Variants in RPL14 observed in about 807,000 individuals in gnomAD.
RPL14 encodes the protein ribosomal protein L14.
RPL14 carries 4 observed loss-of-function variants against 25.3 expected under a neutral mutation model. The observed-to-expected ratio is 0.16, with a 90% CI of 0.08 to 0.36. RPL14 has a LOEUF of 0.36. Ranked by LOEUF, RPL14 falls within the 10% of genes least tolerant of loss-of-function variation. The pLI is 1.00. For missense variants in RPL14, 212 were observed against 261.9 expected, an observed-to-expected ratio of 0.81 and a Z score of 1.31; for synonymous variants, 75 against 89.8, an observed-to-expected ratio of 0.84 and a Z score of 0.93.
At position 40,457,489 on chromosome 3, in the gene RPL14, G is replaced by T. The variant is rs1314474007; in HGVS notation, c.3+15G>T. On this transcript the variant is annotated intron_variant, in intron 1 of 5. Transcript: ENST00000396203. Reference sequence around the variant, plus strand: ...GGAAGCGCATGGTGAGGGTCCCCGGGCCGGCTGTGCAGCGGAATCGGGCCC... The same window carrying T: ...GGAAGCGCATGGTGAGGGTCCCCGGTCCGGCTGTGCAGCGGAATCGGGCCC... 1 of 1,538,048 alleles carries T rather than the reference G, an allele frequency of 6.5e-7. No individual in the cohort carries two copies. The highest frequency in any genetic ancestry group is 8.8e-7 in the Non-Finnish European group (1 of 1,135,026).
chr3:40,459,039 G>C (rs867009172), intron 3 of RPL14: 4 of 315,718 alleles, frequency 1.3e-5, no homozygotes, highest in Middle Eastern at 1.1e-3. Context: ...AATTCGTTGG[G>C]CATGGTGGCA....
Position 40,463,986 on chromosome 3 carries a change from T to TA in RPL14, c.*1754_*1755insA, listed in dbSNP as rs1313895884. ...GAAACAGGATTACTTTTTTTTTTTT[T>TA]TTTGAGACAGAGCCTTACTCTTGCC... On this transcript the variant is annotated 3_prime_UTR_variant, in exon 6 of 6. Coordinates refer to ENST00000396203, the MANE Select transcript of RPL14 (RefSeq NM_001034996.3). 6.5e-6 allele frequency: 1 copy of TA among 153,564 alleles called. No individual in the cohort carries two copies. Among genetic ancestry groups the TA allele is most frequent in the East Asian group, 1.9e-4 (1 of 5,254 alleles). The allele number at this position is 153,564 out of a possible 1,614,324, so 9.5% of individuals were successfully genotyped here.
At position 40,463,553 on chromosome 3, in the gene RPL14, A is replaced by G. The variant is rs945456984; in HGVS notation, c.*1321A>G. The G allele has an allele frequency of 1.3e-5, 2 of 152,206 alleles. No homozygotes were observed. The highest frequency in any genetic ancestry group is 4.8e-5 in the African/African-American group (2 of 41,454). The allele number at this position is 152,206 out of a possible 1,614,324, so 9.4% of individuals were successfully genotyped here. ...AAACTAGGAAAATAGGGCAAGTATA[A>G]AAATTGCAGGTTGAGCATATTTCTA... On this transcript the variant is annotated 3_prime_UTR_variant, in exon 6 of 6. Transcript: ENST00000396203.
rs1696909101 is a variant in RPL14 at position 40,459,880 on chromosome 3, A to AAAAG, written c.200+1144_200+1145insAAAG. ...TTTCAAAAAAAAAAAAAAAAAAAAA[A>AAAAG]CTTACTGTATGCTGAGCACTACAGG... On this transcript the variant is annotated intron_variant, in intron 3 of 5. Coordinates refer to ENST00000396203, the MANE Select transcript of RPL14 (RefSeq NM_001034996.3). Among the ~76,000 whole-genome samples the AAAAG allele has an allele frequency of 2.0e-5, 3 of 150,306 alleles. No individual in the cohort carries two copies. In the South Asian group the frequency reaches 6.4e-4, roughly 32 times the overall value.
At chr3:40,458,167 G>C in intron 2 of RPL14, 176 bp downstream of exon 2, 1 of 618,352 alleles carries the variant, frequency 1.6e-6, no homozygotes. Flanking sequence ...TTAGCTATTA[G>C]TATTGAATTT....
At position 40,464,570 on chromosome 3, in the gene RPL14, T is replaced by A. The variant is rs1360990427; in HGVS notation, c.*2338T>A. ...TCAAGGAAGTAGGTTAGTGGTTAGA[T>A]CGTGTAGGGGAACACGGGAAGCTAC... On this transcript the variant is annotated 3_prime_UTR_variant, in exon 6 of 6. Coordinates refer to ENST00000396203, the MANE Select transcript of RPL14 (RefSeq NM_001034996.3). The A allele has an allele frequency of 5.9e-5, 27 of 455,000 alleles. No individual in the cohort carries two copies. The Middle Eastern group carries it at 1.6e-3, about 28-fold the overall frequency. 28.2% of individuals were successfully genotyped at this position (455,000 alleles called of 1,614,324 possible).
intron 2 of RPL14, chr3:40,458,305 G>C (rs1180906340): frequency 1.9e-6 from 1 of 517,118 alleles, no homozygotes; most frequent in Non-Finnish European, 3.4e-6. Flanking sequence ...ATTTACTGCT[G>C]TGTATTTGAA....
chr3:40,458,086 G>C, intron 2 of RPL14, 95 bp downstream of exon 2: 1 of 1,025,718 alleles, frequency 9.7e-7, no homozygotes, highest in South Asian at 1.3e-5. Context: ...AGATGAGGAT[G>C]CTATGGGTAG....
At chr3:40,458,036 C>G (rs1272236529) in intron 2 of RPL14, 45 bp downstream of exon 2, 5 of 1,454,214 alleles carry the variant, frequency 3.4e-6, no homozygotes, top group Non-Finnish European at 4.8e-6. Context: ...GGACATGTGC[C>G]CTGCAGATGG....
Position 40,464,529 on chromosome 3 carries a change from C to T in RPL14, c.*2297C>T, listed in dbSNP as rs958891031. 4.4e-6 allele frequency: 2 copies of T among 455,858 alleles called. No homozygotes were observed. The highest frequency in any genetic ancestry group is 4.0e-5 in the African/African-American group (2 of 50,038). 28.2% of individuals were successfully genotyped at this position (455,858 alleles called of 1,614,324 possible). ...ATAAACGAACTGATAGTGTAGAGGA[C>T]TGGCTCGGGACCACATCAAGGAAGT... On this transcript the variant is annotated 3_prime_UTR_variant, in exon 6 of 6. Coordinates refer to ENST00000396203, the MANE Select transcript of RPL14 (RefSeq NM_001034996.3).
At position 40,463,591 on chromosome 3, in the gene RPL14, C is replaced by G. The variant is rs1039285219; in HGVS notation, c.*1359C>G. 4 of 152,322 alleles carry G rather than the reference C, an allele frequency of 2.6e-5. No homozygotes were observed. Among genetic ancestry groups the G allele is most frequent in the Middle Eastern group, 3.4e-3 (1 of 294 alleles). 9.4% of individuals were successfully genotyped at this position (152,322 alleles called of 1,614,324 possible). On this transcript the variant is annotated 3_prime_UTR_variant, in exon 6 of 6. Coordinates refer to ENST00000396203, the MANE Select transcript of RPL14 (RefSeq NM_001034996.3). ...GAGCATATTTCTAATCCAAAAAGCT[C>G]TAACCTCTGAAACTGAGCTATGACA...
chr3:40,464,455 TA>T lies in RPL14; in HGVS notation c.*2227del. ...GTCTAGAGAAAGTGGCATCTATACC[TA>T]AAATAAGAAGAAGGTGGTGTAAGGG... On this transcript the variant is annotated 3_prime_UTR_variant, in exon 6 of 6. Transcript: ENST00000396203. 2.2e-6 allele frequency: 1 copy of T among 455,886 alleles called. No homozygotes were observed. The highest frequency in any genetic ancestry group is 4.4e-6 in the Non-Finnish European group (1 of 226,772). The allele number at this position is 455,886 out of a possible 1,614,324, so 28.2% of individuals were successfully genotyped here.
Position 40,467,611 on chromosome 3 carries a change from C to T in RPL14, c.*5379C>T, listed in dbSNP as rs1360465343. 6.6e-6 allele frequency: 1 copy of T among 152,252 alleles called. No individual in the cohort carries two copies. The highest frequency in any genetic ancestry group is 1.5e-5 in the Non-Finnish European group (1 of 68,060). 9.4% of individuals were successfully genotyped at this position (152,252 alleles called of 1,614,324 possible). A position where few individuals can be genotyped will look rare whatever the true frequency, so the allele number is the denominator to read the frequency against. On this transcript the variant is annotated 3_prime_UTR_variant, in exon 6 of 6. Transcript: ENST00000396203. ...TGCCAATCTCTTCCAGAGGTAATCT[C>T]ACAGATTTAGAAATGTTTCGCCAGC...
In RPL14 at chr3:40,457,377, T is replaced by G. The variant is rs199751366; in HGVS notation, c.-95T>G. 6.2e-7 allele frequency: 1 copy of G among 1,606,142 alleles called. No individual in the cohort carries two copies. The highest frequency in any genetic ancestry group is 2.3e-5 in the East Asian group (1 of 44,056). ...GCCGCCAACATGGTGAGTCTTACTG[T>G]TGCGGGCTCCGGGGCCGTCGACCAT... On this transcript the variant is annotated 5_prime_UTR_variant, in exon 1 of 6. Coordinates refer to ENST00000396203, the MANE Select transcript of RPL14 (RefSeq NM_001034996.3).
At chr3:40,459,127 A>G (rs557422786) in intron 3 of RPL14, 2 of 202,936 alleles carry the variant, frequency 9.9e-6, no homozygotes, top group South Asian at 1.4e-4. Flanking sequence ...GAGGCTGCAG[A>G]GAGCCGTGAT....
In RPL14 at chr3:40,464,038, CA is replaced by C. The variant is rs1163189541; in HGVS notation, c.*1807del. The C allele has an allele frequency of 6.3e-6, 1 of 159,310 alleles. No homozygotes were observed. The highest frequency in any genetic ancestry group is 1.4e-5 in the Non-Finnish European group (1 of 73,512). The allele number at this position is 159,310 out of a possible 1,614,324, so 9.9% of individuals were successfully genotyped here. ...AGGCTGGAATGTAGTGGCACGATCT[CA>C]GCTCACTGCGACCTCCACCTCCCAG... On this transcript the variant is annotated 3_prime_UTR_variant, in exon 6 of 6. Transcript: ENST00000396203.
rs1202760791 is a variant in RPL14, at chr3:40,464,813, A to G, written c.*2581A>G. ...CAATGTGTCAGGGTTTCTGGTTTGT[A>G]CCTCTGGTTCATTGGTTGTGAGGGA... On this transcript the variant is annotated 3_prime_UTR_variant, in exon 6 of 6. Transcript: ENST00000396203. 1 of 221,938 alleles carries G rather than the reference A, an allele frequency of 4.5e-6. No individual in the cohort carries two copies. Among genetic ancestry groups the G allele is most frequent in the Non-Finnish European group, 9.4e-6 (1 of 106,776 alleles). 13.7% of individuals were successfully genotyped at this position (221,938 alleles called of 1,614,324 possible). A position where few individuals can be genotyped will look rare whatever the true frequency, so the allele number is the denominator to read the frequency against.
Position 40,461,611 on chromosome 3 carries a change from G to A in RPL14, c.304G>A (p.Ala102Thr), listed in dbSNP as rs765652396. Residue 102 changes from alanine (A) to threonine (T), a missense_variant, in exon 5 of 6, where the codon GCC becomes ACC. This residue lies in a region of RPL14 where 143 missense variants were observed against 180.3 expected (regional missense o/e 0.79). Coordinates refer to ENST00000396203, the MANE Select transcript of RPL14 (RefSeq NM_001034996.3). ...TTTGTTGTTTTTTTTTTAACAGAAA[G>A]CCAAGATGACAGATTTTGATCGTTT... The part of the protein sequence containing the change: ...AKKIEARERK[A>T]KMTDFDRFKV... The A allele has an allele frequency of 6.2e-7, 1 of 1,606,206 alleles. No homozygotes were observed. Among genetic ancestry groups the A allele is most frequent in the Non-Finnish European group, 8.5e-7 (1 of 1,176,956 alleles).
intron 3 of RPL14, among the ~76,000 whole-genome samples, chr3:40,460,375 C>T (rs957832257): frequency 6.6e-6 from 1 of 151,856 alleles, no homozygotes; most frequent in Non-Finnish European, 1.5e-5. Context: ...AAAATTAGCC[C>T]AGTGTGGTAG....
Sources: gnomAD v4.1 joint callset for allele counts (sites outside exome capture counted in the v4.1 genomes callset) on GRCh38, gnomAD v4.1.1 for gene constraint, gnomAD v4.1.1 regional missense constraint, MANE v1.5 for transcripts, NCBI Gene and HGNC (gene_info 2026-07-23, HGNC 2026-07-21) for gene names.